The following ATG16L1 variants were observed in gnomAD, a reference collection of about 807,000 sequenced individuals.
ATG16L1 encodes the protein autophagy related 16 like 1, also known as autophagy-related protein 16-1.
In ATG16L1, 37 loss-of-function variants were observed where a neutral mutation model predicts 88.5. The ratio of observed to expected loss-of-function variants is 0.42; its 90% CI spans 0.32 to 0.55. The LOEUF (loss-of-function observed/expected upper bound fraction) is 0.55, where lower values mean the gene tolerates loss of function less well. ATG16L1 is among the 20% of genes least tolerant of loss of function. The probability of loss-of-function intolerance (pLI) is 0.13; values close to 1 mark genes in which losing one functional copy is unlikely to be tolerated. For synonymous variants in ATG16L1, 301 were observed against 281.0 expected, an observed-to-expected ratio of 1.07 and a Z score of -0.71; for missense variants, 554 against 752.8, an observed-to-expected ratio of 0.74 and a Z score of 3.09.
chr2:233,289,377 A>ACGTGTGTGTGTGTGTG (rs71058540), intron 12 of ATG16L1, among the ~76,000 whole-genome samples: 2 of 129,134 alleles, frequency 1.5e-5, no homozygotes, highest in South Asian at 5.8e-4. Context: ...CCTGTTTGGG[A>ACGTGTGTGTGTGTGTG]TGTGTGTGTG....
intron 8 of ATG16L1, chr2:233,274,434 G>A: frequency 4.6e-6 from 2 of 436,244 alleles, no homozygotes; most frequent in African/African-American, 2.0e-5. Context: ...TCATTGTTGG[G>A]TTTTGGAGTC....
chr2:233,289,429 C>G (rs527461277), intron 12 of ATG16L1, among the ~76,000 whole-genome samples: 1 of 104,036 alleles, frequency 9.6e-6, no homozygotes, highest in East Asian at 2.8e-4. Flanking sequence ...TGCTATCACT[C>G]AGGTGGAGTA....
rs770342140 is a variant in ATG16L1 at position 233,273,809 on chromosome 2, GTA to G, written c.851+35_851+36del. 18 of 1,599,624 alleles carry G rather than the reference GTA, an allele frequency of 1.1e-5. No individual in the cohort carries two copies. The Admixed American group carries it at 2.8e-4, about 25-fold the overall frequency. Reference sequence around the variant, plus strand: ...TAGAAGACCTTTCCTTTTTAAATGTGTATAAGTATACCTAAGTATATGTACAT... The same window carrying G: ...TAGAAGACCTTTCCTTTTTAAATGTGTAAGTATACCTAAGTATATGTACAT... On this transcript the variant is annotated intron_variant, in intron 8 of 17. Coordinates refer to ENST00000392017, the MANE Select transcript of ATG16L1 (RefSeq NM_030803.7).
In ATG16L1 at chr2:233,251,920, G is replaced by A; in HGVS notation, c.93G>A (p.Ala31=). The A allele has an allele frequency of 6.5e-7, 1 of 1,549,742 alleles. No homozygotes were observed. The highest frequency in any genetic ancestry group is 8.7e-7 in the Non-Finnish European group (1 of 1,147,250). The part of the protein sequence containing the change: ...LRRRDRLQRQ[A]FEEIILQYNK... ...GCCGGGACCGGCTGCAGAGACAGGCGTTCGAGGAGATCATCCTGCAGTGTG... is the reference window on the plus strand; with the variant it reads ...GCCGGGACCGGCTGCAGAGACAGGCATTCGAGGAGATCATCCTGCAGTGTG... Residue 31 remains alanine, a synonymous_variant, in exon 1 of 18, where the codon GCG becomes GCA. Transcript: ENST00000392017.
At chr2:233,278,916 T>G (rs890949289) in intron 10 of ATG16L1, among the ~76,000 whole-genome samples, 1 of 152,106 alleles carries the variant, frequency 6.6e-6, no homozygotes, top group Admixed American at 6.5e-5. Context: ...AAACAAATCA[T>G]AAGAAATTTT....
At chr2:233,279,560 T>C (rs964816340) in intron 10 of ATG16L1, among the ~76,000 whole-genome samples, 3 of 152,236 alleles carry the variant, frequency 2.0e-5, no homozygotes, top group Admixed American at 6.5e-5. Flanking sequence ...TTGGCAAATA[T>C]TTATTTACTG....
At chr2:233,252,875 C>T (rs968513505) in intron 1 of ATG16L1, among the ~76,000 whole-genome samples, 8 of 152,218 alleles carry the variant, frequency 5.3e-5, no homozygotes, top group South Asian at 2.1e-4. Flanking sequence ...TGAAAGTAAA[C>T]CTGACGACTT....
chr2:233,286,062 C>T (rs367719877), intron 12 of ATG16L1, among the ~76,000 whole-genome samples: 13 of 152,254 alleles, frequency 8.5e-5, no homozygotes, highest in East Asian at 1.9e-4. Context: ...CCACTTCTCT[C>T]GTGGTGTGGT....
At position 233,295,541 on chromosome 2, in the gene ATG16L1, T is replaced by G. The variant is rs1380068845; in HGVS notation, c.*1191T>G. 6.5e-6 allele frequency: 1 copy of G among 152,784 alleles called. No homozygotes were observed. The highest frequency in any genetic ancestry group is 1.5e-5 in the Non-Finnish European group (1 of 68,044). The allele number at this position is 152,784 out of a possible 1,614,324, so 9.5% of individuals were successfully genotyped here. ...CTGATCACCGCTTTCCAATTTGCCCTTCAGAGAACTTAAGTCAAGGAGAGT... is the reference window on the plus strand; with the variant it reads ...CTGATCACCGCTTTCCAATTTGCCCGTCAGAGAACTTAAGTCAAGGAGAGT... On this transcript the variant is annotated 3_prime_UTR_variant, in exon 18 of 18. Transcript: ENST00000392017.
At chr2:233,258,305 A>G (rs1466955503) in intron 2 of ATG16L1, among the ~76,000 whole-genome samples, 1 of 152,220 alleles carries the variant, frequency 6.6e-6, no homozygotes, top group Admixed American at 6.5e-5. Flanking sequence ...TGGTAGCTGT[A>G]GCCTGATGTA....
intron 1 of ATG16L1, among the ~76,000 whole-genome samples, chr2:233,253,576 C>T (rs1252267637): frequency 6.6e-6 from 1 of 152,014 alleles, no homozygotes; most frequent in African/African-American, 2.4e-5. Context: ...GAACTTCTGA[C>T]CTCAGGTGAT....
intron 12 of ATG16L1, among the ~76,000 whole-genome samples, chr2:233,285,993 A>G (rs753226883): frequency 1.3e-5 from 2 of 152,190 alleles, no homozygotes; most frequent in Non-Finnish European, 2.9e-5. Flanking sequence ...AGTCAGTACA[A>G]AACTGCCTGG....
intron 5 of ATG16L1, among the ~76,000 whole-genome samples, chr2:233,265,376 A>C (rs1697490781): frequency 6.6e-6 from 1 of 152,260 alleles, no homozygotes; most frequent in East Asian, 1.9e-4. Flanking sequence ...TTTTGTATCC[A>C]TATAAAAATT....
At chr2:233,281,214 A>G in intron 11 of ATG16L1, 39 bp downstream of exon 11, 2 of 1,445,388 alleles carry the variant, frequency 1.4e-6, no homozygotes, top group Non-Finnish European at 1.9e-6. Flanking sequence ...GGTTTTTAGA[A>G]ATAATTTAAG....
At chr2:233,284,324 C>A (rs543617271) in intron 12 of ATG16L1, among the ~76,000 whole-genome samples, 7 of 151,298 alleles carry the variant, frequency 4.6e-5, no homozygotes, top group African/African-American at 1.7e-4. Flanking sequence ...ATTTTTGTTT[C>A]GTTTTTTAAA....
At position 233,273,017 on chromosome 2, in the gene ATG16L1, G is replaced by C; in HGVS notation, c.759G>C (p.Glu253Asp). Residue 253 changes from glutamate (E) to aspartate (D), a missense_variant, in exon 7 of 18, where the codon GAG becomes GAC. Transcript: ENST00000392017. ...IVDETSDHTEETSPVRAISRA... is the reference protein window; with the variant it reads ...IVDETSDHTEDTSPVRAISRA... ...ATGAAACTTCTGATCACACAGAAGA[G>C]ACCTCTCCTGTGCGAGCCATCAGCA... The C allele has an allele frequency of 6.2e-7, 1 of 1,614,104 alleles. No homozygotes were observed. Among genetic ancestry groups the C allele is most frequent in the Non-Finnish European group, 8.5e-7 (1 of 1,179,980 alleles).
intron 17 of ATG16L1, 139 bp downstream of exon 17, chr2:233,293,496 C>T: frequency 1.3e-6 from 1 of 752,142 alleles, no homozygotes; most frequent in South Asian, 1.7e-5. Flanking sequence ...TGAGCTAGGT[C>T]AGTGGAGAGA....
At chr2:233,283,527 CAG>C (rs143986341) in intron 12 of ATG16L1, among the ~76,000 whole-genome samples, 3,097 of 150,256 alleles carry the variant, frequency 0.021, 53 homozygotes, top group Non-Finnish European at 0.03. Flanking sequence ...ACACCAAAAA[CAG>C]AGGAAGTAAT....
At chr2:233,293,628 T>TC (rs55920728) in intron 17 of ATG16L1, among the ~76,000 whole-genome samples, 152,213 of 152,214 alleles carry the variant, frequency 1, 76,106 homozygotes, top group Non-Finnish European at 1. Flanking sequence ...TTTGGTTATG[T>TC]CCACGTCCTC....
Sources: allele counts gnomAD v4.1 joint callset (sites outside exome capture counted in the v4.1 genomes callset), GRCh38; gene constraint gnomAD v4.1.1; transcripts MANE v1.5; gene names NCBI Gene and HGNC (gene_info 2026-07-23, HGNC 2026-07-21).